MICAL3: variants seen among roughly 807,000 people sequenced by gnomAD.
MICAL3 encodes the protein [F-actin]-monooxygenase MICAL3.
A neutral mutation model predicts 207.4 loss-of-function variants in MICAL3; 62 were observed. The observed-to-expected ratio is 0.30, with a 90% confidence interval of 0.24 to 0.37. The LOEUF is 0.37. Among genes scored for constraint, MICAL3 ranks in the 10% least tolerant of loss-of-function variants. The pLI is 1.00. For missense variants in MICAL3, 2,368 were observed against 2,635.6 expected (o/e 0.90, Z 2.22); for synonymous variants, 1,077 against 1,069.3 (o/e 1.01, Z -0.14).
chr22:17,810,480 T>C (rs1263208215), intron 28 of MICAL3, among the ~76,000 whole-genome samples: 2 of 152,106 alleles, frequency 1.3e-5, no homozygotes, highest in African/African-American at 2.4e-5. Flanking sequence ...TTACAGGCAT[T>C]GAGCCACCAC....
intron 1 of MICAL3, chr22:18,006,726 G>C (rs1356943665): frequency 1.3e-5 from 2 of 152,292 alleles, no homozygotes; most frequent in African/African-American, 4.8e-5. Context: ...CCAGCTACTG[G>C]GGAGGCTGAG....
At position 17,841,983 on chromosome 22, in the gene MICAL3, G is replaced by C; in HGVS notation, c.2640C>G (p.Ile880Met). Residue 880 changes from isoleucine (I) to methionine (M), a missense_variant, in exon 20 of 32, where the codon ATC (isoleucine) becomes ATG (methionine). Physicochemically the swap from Ile to Met is conservative, Grantham distance 10 (BLOSUM62 1). Coordinates refer to ENST00000441493, the MANE Select transcript of MICAL3 (RefSeq NM_015241.3). This position sits in a 1 kb window ranked among gnomAD's most constrained non-coding sequence, Gnocchi z 4.2. ...SGVNGLEEPS[I>M]AKRLRGTPER... ...CTGGGGTGCCCCTCAGTCGCTTGGCGATGCTGGGCTCCTCCAGGCCGTTCA... is the reference window on the plus strand; with the variant it reads ...CTGGGGTGCCCCTCAGTCGCTTGGCCATGCTGGGCTCCTCCAGGCCGTTCA... 1 of 1,605,650 alleles carries C rather than the reference G, an allele frequency of 6.2e-7. No homozygotes were observed. The highest frequency in any genetic ancestry group is 8.5e-7 in the Non-Finnish European group (1 of 1,179,456).
chr22:17,818,866 C>A lies in MICAL3; in HGVS notation c.3795G>T (p.Gln1265His). The change falls in exon 26 of 32, where the codon CAG (glutamine) becomes CAT (histidine). Residue 1265 changes from glutamine (Q) to histidine (H), a missense_variant. Transcript: ENST00000441493. ...PSPLPICSQP[Q>H]PSTEATVPSP... ...ATGGGACAGTGGCCTCGGTGGAAGG[C>A]TGGGGCTGGGAGCAGATGGGGAGTG... 1 of 1,423,404 alleles carries A rather than the reference C, an allele frequency of 7.0e-7. No homozygotes were observed. The allele number at this position is 1,423,404 out of a possible 1,614,324, so 88.2% of individuals were successfully genotyped here.
intron 1 of MICAL3, among the ~76,000 whole-genome samples, chr22:17,968,595 A>G (rs1034566273): frequency 2.2e-4 from 34 of 152,168 alleles, no homozygotes; most frequent in Admixed American, 1.3e-4. Flanking sequence ...ACCAACCTGA[A>G]ATGCCTGGGA....
At chr22:17,868,898 A>C (rs575665162) in intron 17 of MICAL3, among the ~76,000 whole-genome samples, 1 of 151,782 alleles carries the variant, frequency 6.6e-6, no homozygotes, top group East Asian at 2.0e-4. Context: ...TTCTCCACAG[A>C]CGCATGGATG....
intron 1 of MICAL3, among the ~76,000 whole-genome samples, chr22:17,944,423 G>A (rs1933957857): frequency 6.6e-6 from 1 of 152,156 alleles, no homozygotes; most frequent in Non-Finnish European, 1.5e-5. Context: ...AGCAAATATT[G>A]TTTACAACTG....
chr22:17,853,927 A>G (rs1167435296), intron 19 of MICAL3, among the ~76,000 whole-genome samples: 2 of 152,224 alleles, frequency 1.3e-5, no homozygotes, highest in Non-Finnish European at 2.9e-5. Context: ...CGTGTGAGAA[A>G]GCACAGCCAC....
intron 1 of MICAL3, among the ~76,000 whole-genome samples, chr22:17,995,335 C>G (rs1286124575): frequency 6.6e-6 from 1 of 151,572 alleles, no homozygotes; most frequent in African/African-American, 2.4e-5. Context: ...CACCACCATG[C>G]CCGGCTAATT....
At chr22:18,000,248 A>G (rs746570348) in intron 1 of MICAL3, among the ~76,000 whole-genome samples, 670 of 27,546 alleles carry the variant, frequency 0.024, 5 homozygotes, top group African/African-American at 0.16. Flanking sequence ...GCTTAGGGGG[A>G]AAAAAAAAAA....
intron 16 of MICAL3, chr22:17,875,482 G>T (rs769411140): frequency 6.4e-7 from 1 of 1,556,762 alleles, no homozygotes; most frequent in Non-Finnish European, 8.7e-7. Flanking sequence ...GAGGCGGGGC[G>T]GGCAGAGGAG....
intron 29 of MICAL3, among the ~76,000 whole-genome samples, chr22:17,804,683 C>T (rs2061972681): frequency 6.6e-6 from 1 of 152,136 alleles, no homozygotes; most frequent in Non-Finnish European, 1.5e-5. Flanking sequence ...TCCTCATCTC[C>T]CCAGAATCAT....
chr22:17,925,585 G>A (rs1932900977), intron 1 of MICAL3, among the ~76,000 whole-genome samples: 1 of 152,216 alleles, frequency 6.6e-6, no homozygotes, highest in African/African-American at 2.4e-5. Context: ...GCAGAAAGCT[G>A]AGGAGGTCAC....
intron 1 of MICAL3, among the ~76,000 whole-genome samples, chr22:18,018,762 AT>A (rs1200284909): frequency 5.3e-5 from 8 of 151,550 alleles, no homozygotes; most frequent in Non-Finnish European, 8.9e-5. Context: ...CTATCTATCT[AT>A]CTATCTACAC....
At chr22:17,803,286 G>T (rs2061958276) in intron 29 of MICAL3, among the ~76,000 whole-genome samples, 1 of 152,144 alleles carries the variant, frequency 6.6e-6, no homozygotes, top group Admixed American at 6.5e-5. Context: ...CGTCAACCTG[G>T]CTTTGAGTTT....
rs1318263078 is a variant in MICAL3, at chr22:17,789,382, T to C, written c.*1350A>G. On this transcript the variant is annotated 3_prime_UTR_variant, in exon 32 of 32. Transcript: ENST00000441493. Reference sequence around the variant, plus strand: ...GCCCATCCTGAAACCTTCTTTAACATATGTGCGGAGGAAGGTGATGCCCTG... The same window carrying C: ...GCCCATCCTGAAACCTTCTTTAACACATGTGCGGAGGAAGGTGATGCCCTG... 1 of 152,180 alleles carries C rather than the reference T, an allele frequency of 6.6e-6. No homozygotes were observed. Among genetic ancestry groups the C allele is most frequent in the African/African-American group, 2.4e-5 (1 of 41,430 alleles). 9.4% of individuals were successfully genotyped at this position (152,180 alleles called of 1,614,324 possible). A position where few individuals can be genotyped will look rare whatever the true frequency, so the allele number is the denominator to read the frequency against.
intron 1 of MICAL3, among the ~76,000 whole-genome samples, chr22:17,913,050 C>T (rs1289513655): frequency 6.6e-6 from 1 of 152,140 alleles, no homozygotes; most frequent in Admixed American, 6.5e-5. Flanking sequence ...ATTGAATCCA[C>T]ATGTATTGCA....
intron 1 of MICAL3, among the ~76,000 whole-genome samples, chr22:17,985,264 AGCGT>A (rs1179037219): frequency 6.6e-6 from 1 of 151,970 alleles, no homozygotes; most frequent in Non-Finnish European, 1.5e-5. Context: ...AGAATGCCCG[AGCGT>A]GCTGCGTGCC....
At chr22:17,836,800 C>G (rs780509438) in intron 20 of MICAL3, among the ~76,000 whole-genome samples, 2 of 152,118 alleles carry the variant, frequency 1.3e-5, no homozygotes, top group Non-Finnish European at 2.9e-5. Flanking sequence ...CCCGCCACCA[C>G]GCCTGGCTAA....
chr22:17,898,240 C>T lies in MICAL3; in HGVS notation c.948+1208G>A, dbSNP rs115853081. Among the ~76,000 whole-genome samples the T allele has an allele frequency of 4.5e-3, 679 of 152,306 alleles. 2 individuals carry two copies. Among genetic ancestry groups the T allele is most frequent in the African/African-American group, 0.015 (612 of 41,552 alleles). On this transcript the variant is annotated intron_variant, in intron 7 of 31. Coordinates refer to ENST00000441493, the MANE Select transcript of MICAL3 (RefSeq NM_015241.3). ...AATCTTCACCTTGTCCCAAGGCGTA[C>T]GAACTGCTTCACTGGCTATTTCTTA... is the stretch of plus-strand genomic sequence containing the variant.
Sources: allele counts gnomAD v4.1 joint callset (sites outside exome capture counted in the v4.1 genomes callset), GRCh38; gene constraint gnomAD v4.1.1; non-coding constraint Gnocchi (gnomAD v3.1); transcripts MANE v1.5; gene names NCBI Gene and HGNC (gene_info 2026-07-23, HGNC 2026-07-21).